SCMH1: variants seen among roughly 807,000 people sequenced by gnomAD.
SCMH1 encodes Scm polycomb group protein homolog 1, also known as polycomb protein SCMH1.
Under a neutral mutation model 70.8 loss-of-function variants are expected in SCMH1, and 37 were observed. The observed-to-expected ratio is 0.52, with a 90% CI of 0.40 to 0.69. The LOEUF is 0.69. Ranked by LOEUF, SCMH1 falls within the 30% of genes least tolerant of loss-of-function variation. SCMH1 has a pLI of 0.00. For missense variants in SCMH1, 607 were observed against 827.3 expected, an observed-to-expected ratio of 0.73 and a Z score of 3.27; for synonymous variants, 292 against 307.4, an observed-to-expected ratio of 0.95 and a Z score of 0.52.
At chr1:41,235,546 G>C (rs1662190718) in intron 1 of SCMH1, among the ~76,000 whole-genome samples, 2 of 140,984 alleles carry the variant, frequency 1.4e-5, no homozygotes, top group African/African-American at 5.3e-5. Flanking sequence ...ACTCCAGCCT[G>C]GGAGTCAGAA....
intron 5 of SCMH1, among the ~76,000 whole-genome samples, chr1:41,149,232 C>T (rs1253154032): frequency 6.6e-6 from 1 of 152,080 alleles, no homozygotes; most frequent in Non-Finnish European, 1.5e-5. Flanking sequence ...GTTCTAAATT[C>T]CTTTTTCTCT....
chr1:41,041,685 T>G (rs1158755088), intron 12 of SCMH1: 1 of 152,168 alleles, frequency 6.6e-6, no homozygotes, highest in Non-Finnish European at 1.5e-5. Context: ...CATCCTGATA[T>G]TTCAGTTTTT....
At chr1:41,163,617 A>G (rs116820510) in intron 2 of SCMH1, among the ~76,000 whole-genome samples, 257 of 152,354 alleles carry the variant, frequency 1.7e-3, no homozygotes, top group Non-Finnish European at 3.3e-3. Context: ...TACAGAGAAA[A>G]TATCATGTAA....
At chr1:41,165,490 TTG>T (rs1272549015) in intron 2 of SCMH1, among the ~76,000 whole-genome samples, 1 of 152,136 alleles carries the variant, frequency 6.6e-6, no homozygotes, top group Non-Finnish European at 1.5e-5. Context: ...CTGTACTAAT[TTG>T]TGATATCCGT....
intron 6 of SCMH1, among the ~76,000 whole-genome samples, chr1:41,120,141 T>C (rs558316846): frequency 2.0e-4 from 30 of 152,280 alleles, no homozygotes; most frequent in Non-Finnish European, 3.8e-4. Context: ...TCAGGTTTAA[T>C]GCCTATAGTT....
chr1:41,169,549 GAT>G (rs1646647556), intron 2 of SCMH1, among the ~76,000 whole-genome samples: 1 of 152,090 alleles, frequency 6.6e-6, no homozygotes, highest in Non-Finnish European at 1.5e-5. Context: ...AGATGTTTAG[GAT>G]ATAATCCTTT....
At chr1:41,157,086 CG>C (rs1178058017) in intron 4 of SCMH1, among the ~76,000 whole-genome samples, 1 of 151,162 alleles carries the variant, frequency 6.6e-6, no homozygotes, top group Non-Finnish European at 1.5e-5. Flanking sequence ...CCAGAGTAGC[CG>C]GGACTACAGG....
intron 10 of SCMH1, among the ~76,000 whole-genome samples, chr1:41,058,250 G>T (rs1208505648): frequency 6.6e-6 from 1 of 151,842 alleles, no homozygotes; most frequent in Non-Finnish European, 1.5e-5. Flanking sequence ...CTGAAGAAAT[G>T]GTCTCAATCA....
At chr1:41,187,786 C>G (rs1265076056) in intron 1 of SCMH1, among the ~76,000 whole-genome samples, 1 of 146,754 alleles carries the variant, frequency 6.8e-6, no homozygotes, top group East Asian at 2.0e-4. Flanking sequence ...GTTTGAGACT[C>G]AGAAACATGG....
At chr1:41,059,957 T>C (rs1481620492) in intron 10 of SCMH1, among the ~76,000 whole-genome samples, 1 of 148,560 alleles carries the variant, frequency 6.7e-6, no homozygotes, top group South Asian at 2.1e-4. Flanking sequence ...TTTACAAATA[T>C]ATCTCAAGGG....
intron 13 of SCMH1, 130 bp downstream of exon 13, chr1:41,037,232 G>A (rs182841375): frequency 4.7e-5 from 42 of 890,866 alleles, no homozygotes; most frequent in Admixed American, 1.1e-4. Context: ...ACAAGAGTAA[G>A]TCCAGTCCCT....
At chr1:41,122,282 T>C (rs1321697915) in intron 6 of SCMH1, among the ~76,000 whole-genome samples, 1 of 152,182 alleles carries the variant, frequency 6.6e-6, no homozygotes, top group Non-Finnish European at 1.5e-5. Context: ...TGTTCTCAAA[T>C]ATACCAAGCT....
chr1:41,100,799 C>T (rs1052922884), intron 8 of SCMH1, among the ~76,000 whole-genome samples: 2 of 151,988 alleles, frequency 1.3e-5, no homozygotes, highest in South Asian at 2.1e-4. Flanking sequence ...CTCCTGACCC[C>T]GTGATCCGCC....
intron 11 of SCMH1, 133 bp from the exon 12 acceptor site, chr1:41,046,731 T>C: frequency 1.5e-6 from 1 of 687,546 alleles, no homozygotes; most frequent in Non-Finnish European, 2.5e-6. Flanking sequence ...CCACGTTTCC[T>C]CCCTCCCTCC....
chr1:41,150,712 A>G (rs1238774096), intron 5 of SCMH1, among the ~76,000 whole-genome samples: 2 of 151,784 alleles, frequency 1.3e-5, no homozygotes, highest in African/African-American at 2.4e-5. Context: ...CGAGGCGGGC[A>G]GATCATGAGG....
intron 1 of SCMH1, among the ~76,000 whole-genome samples, chr1:41,193,371 G>C (rs143967036): frequency 1.3e-5 from 2 of 152,160 alleles, no homozygotes; most frequent in African/African-American, 4.8e-5. Context: ...ACAAATAAGT[G>C]TAAGTCCCTG....
chr1:41,147,689 T>A (rs1340047310), intron 5 of SCMH1, among the ~76,000 whole-genome samples: 1 of 152,118 alleles, frequency 6.6e-6, no homozygotes, highest in Non-Finnish European at 1.5e-5. Flanking sequence ...CTCCTAATAG[T>A]TCTATTGGTT....
At chr1:41,165,919 T>C (rs1646381785) in intron 2 of SCMH1, among the ~76,000 whole-genome samples, 1 of 152,130 alleles carries the variant, frequency 6.6e-6, no homozygotes, top group African/African-American at 2.4e-5. Flanking sequence ...TTTTATTGCT[T>C]ATGCTTTTGG....
At chr1:41,098,413 A>G (rs1441042712) in intron 8 of SCMH1, among the ~76,000 whole-genome samples, 1 of 152,220 alleles carries the variant, frequency 6.6e-6, no homozygotes, top group Non-Finnish European at 1.5e-5. Flanking sequence ...AATATGTGCC[A>G]GGTGTTCTAA....
Sources: allele counts gnomAD v4.1 joint callset (sites outside exome capture counted in the v4.1 genomes callset), GRCh38; gene constraint gnomAD v4.1.1; transcripts MANE v1.5; gene names NCBI Gene and HGNC (gene_info 2026-07-23, HGNC 2026-07-21).